Variants in AK5 observed in about 807,000 individuals in gnomAD.
The protein encoded by AK5 is adenylate kinase 5, also known as adenylate kinase isoenzyme 5.
Under a neutral mutation model 69.5 loss-of-function variants are expected in AK5, and 27 were observed. That is an observed-to-expected ratio of 0.39 (90% confidence interval 0.29 to 0.54). The LOEUF (loss-of-function observed/expected upper bound fraction) is 0.54, where lower values mean the gene tolerates loss of function less well. Among genes scored for constraint, AK5 ranks in the 20% least tolerant of loss-of-function variants. AK5 has a pLI of 0.71. For synonymous variants in AK5, 260 were observed against 244.4 expected (o/e 1.06, Z -0.60); for missense variants, 531 against 700.4 (o/e 0.76, Z 2.73).
intron 6 of AK5, among the ~76,000 whole-genome samples, chr1:77,388,637 A>G (rs1648191392): frequency 1.3e-5 from 2 of 152,158 alleles, no homozygotes; most frequent in African/African-American, 2.4e-5. Flanking sequence ...ATAATTCAGA[A>G]TGAAAAACGT....
chr1:77,371,213 A>G (rs1484822234), intron 6 of AK5, among the ~76,000 whole-genome samples: 1 of 152,292 alleles, frequency 6.6e-6, no homozygotes, highest in East Asian at 1.9e-4. Context: ...CAGTTCTCAC[A>G]TGACCAGGAC....
At chr1:77,339,206 C>CTTATTACTTATTAATGGCATATGCTTAAA (rs1439164214) in intron 5 of AK5, among the ~76,000 whole-genome samples, 1 of 152,154 alleles carries the variant, frequency 6.6e-6, no homozygotes, top group Non-Finnish European at 1.5e-5. Context: ...TAAGTAATTG[C>CTTATTACTTATTAATGGCATATGCTTAAA]GGCATATGCT....
At chr1:77,346,548 G>A (rs929137680) in intron 6 of AK5, among the ~76,000 whole-genome samples, 5 of 152,190 alleles carry the variant, frequency 3.3e-5, no homozygotes, top group Admixed American at 3.3e-4. Context: ...CCAGGCTGAA[G>A]TGCAGTGGCG....
rs760409632 is a variant in AK5 at position 77,293,892 on chromosome 1, C to T, written c.347C>T (p.Ala116Val). 2 of 1,613,584 alleles carry T rather than the reference C, an allele frequency of 1.2e-6. No individual in the cohort carries two copies. The highest frequency in any genetic ancestry group is 1.7e-6 in the Non-Finnish European group (2 of 1,179,794). ...IESDTDLSETAELIEEYEVFD... is the reference protein window; with the variant it reads ...IESDTDLSETVELIEEYEVFD... ...AGTGACACGGATCTCTCTGAGACTG[C>T]AGAGTTGATTGAGGAGTATGAGGTT... Residue 116 changes from alanine to valine, a missense_variant, in exon 3 of 14, where the codon GCA (alanine) becomes GTA (valine). Transcript: ENST00000354567.
chr1:77,547,932 G>T (rs1334677231), intron 13 of AK5, among the ~76,000 whole-genome samples: 1 of 152,166 alleles, frequency 6.6e-6, no homozygotes, highest in Non-Finnish European at 1.5e-5. Flanking sequence ...AGGATGTTTG[G>T]ACTGAATACT....
At chr1:77,522,067 G>GCC in intron 12 of AK5, 124 bp downstream of exon 12, 1 of 704,666 alleles carries the variant, frequency 1.4e-6, no homozygotes, top group South Asian at 2.3e-5. Flanking sequence ...GCAGAAACTT[G>GCC]ACTCAAACTA....
chr1:77,446,862 G>T (rs1427055522), intron 8 of AK5, among the ~76,000 whole-genome samples: 1 of 152,202 alleles, frequency 6.6e-6, no homozygotes, highest in Non-Finnish European at 1.5e-5. Context: ...TATAATTTGA[G>T]GACTTAGCAA....
intron 8 of AK5, among the ~76,000 whole-genome samples, chr1:77,449,159 CAGTT>C (rs1274878796): frequency 1.3e-5 from 2 of 152,162 alleles, no homozygotes; most frequent in Non-Finnish European, 2.9e-5. Context: ...GATCCACAGA[CAGTT>C]AGCACCATGC....
intron 13 of AK5, among the ~76,000 whole-genome samples, chr1:77,554,084 A>G (rs1659953580): frequency 6.6e-6 from 1 of 152,228 alleles, no homozygotes; most frequent in Non-Finnish European, 1.5e-5. Flanking sequence ...TCATTGATAT[A>G]AAATGTCCTG....
chr1:77,390,002 T>A (rs1648314952), intron 6 of AK5, among the ~76,000 whole-genome samples: 1 of 152,090 alleles, frequency 6.6e-6, no homozygotes, highest in African/African-American at 2.4e-5. Context: ...AGAGTATAAT[T>A]TCATGGCAGG....
At chr1:77,362,739 A>G (rs747814299) in intron 6 of AK5, among the ~76,000 whole-genome samples, 7 of 152,196 alleles carry the variant, frequency 4.6e-5, no homozygotes, top group Non-Finnish European at 1.5e-5. Context: ...GTAAGACTCC[A>G]TGTTTATATG....
intron 6 of AK5, among the ~76,000 whole-genome samples, chr1:77,374,955 T>A (rs1647196887): frequency 6.6e-6 from 1 of 152,192 alleles, no homozygotes; most frequent in East Asian, 1.9e-4. Context: ...TTATTTTCCT[T>A]TTGACACGGG....
At chr1:77,544,157 GA>G (rs1235765875) in intron 13 of AK5, among the ~76,000 whole-genome samples, 1 of 152,170 alleles carries the variant, frequency 6.6e-6, no homozygotes, top group Non-Finnish European at 1.5e-5. Flanking sequence ...ATATGGCAAA[GA>G]TACAGTAAGA....
rs149494517 is a variant in AK5 at position 77,315,232 on chromosome 1, A to G, written c.699+17285A>G. Among the ~76,000 whole-genome samples the G allele has an allele frequency of 5.0e-4, 76 of 152,212 alleles. 1 individual carries two copies. The highest frequency in any genetic ancestry group is 1.8e-3 in the African/African-American group (74 of 41,494). ...CCTTATCCTTCCAGAGATATTTTAT[A>G]CAAGGAAGGATGTGTATAGATTCTT... On this transcript the variant is annotated intron_variant, in intron 5 of 13. Coordinates refer to ENST00000354567, the MANE Select transcript of AK5 (RefSeq NM_174858.3).
At chr1:77,289,795 G>A (rs2815309) in intron 2 of AK5, among the ~76,000 whole-genome samples, 21,939 of 148,746 alleles carry the variant, frequency 0.15, 2,087 homozygotes, top group Non-Finnish European at 0.2. Flanking sequence ...CCCGGGAGGC[G>A]GAGCTTGCAG....
chr1:77,510,621 T>A (rs1186737575), intron 10 of AK5, among the ~76,000 whole-genome samples: 1 of 152,170 alleles, frequency 6.6e-6, no homozygotes, highest in Non-Finnish European at 1.5e-5. Flanking sequence ...GAGCTGATGT[T>A]ATACAGAAGA....
At chr1:77,382,227 A>ATTTTTTT (rs11306378) in intron 6 of AK5, among the ~76,000 whole-genome samples, 1 of 136,734 alleles carries the variant, frequency 7.3e-6, no homozygotes, top group Non-Finnish European at 1.6e-5. Flanking sequence ...TAATCTTTTA[A>ATTTTTTT]TTTTTTTTTT....
At chr1:77,302,388 T>C (rs1174128267) in intron 5 of AK5, among the ~76,000 whole-genome samples, 4 of 152,192 alleles carry the variant, frequency 2.6e-5, no homozygotes. Context: ...CTGCTTTCTT[T>C]TTTATCTTCC....
rs779989268 is a variant in AK5 at position 77,486,296 on chromosome 1, CT to C, written c.1103-10del. ...TTTCTTGCCAATAACTTAAGTTATT[CT>C]TATTTTAAAGGTTTCATGGAAGATT... On this transcript the variant is annotated splice_polypyrimidine_tract_variant and intron_variant, in intron 9 of 13. Coordinates refer to ENST00000354567, the MANE Select transcript of AK5 (RefSeq NM_174858.3). 1.3e-6 allele frequency: 2 copies of C among 1,546,474 alleles called. No individual in the cohort carries two copies. Among genetic ancestry groups the C allele is most frequent in the Non-Finnish European group, 8.9e-7 (1 of 1,122,452 alleles).
Sources: allele counts gnomAD v4.1 joint callset (sites outside exome capture counted in the v4.1 genomes callset), GRCh38; gene constraint gnomAD v4.1.1; transcripts MANE v1.5; gene names NCBI Gene and HGNC (gene_info 2026-07-23, HGNC 2026-07-21).